SIPA1L3: variants seen among roughly 807,000 people sequenced by gnomAD.
SIPA1L3 encodes signal induced proliferation associated 1 like 3.
Under a neutral mutation model 150.1 loss-of-function variants are expected in SIPA1L3, and 59 were observed. The ratio of observed to expected loss-of-function variants is 0.39; its 90% CI spans 0.32 to 0.49. The LOEUF (loss-of-function observed/expected upper bound fraction) is 0.49. Ranked by LOEUF, SIPA1L3 falls within the 20% of genes least tolerant of loss-of-function variation. The probability of loss-of-function intolerance (pLI) is 0.86; values close to 1 mark genes in which losing one functional copy is unlikely to be tolerated. For missense variants in SIPA1L3, 2,211 were observed against 2,489.5 expected, an observed-to-expected ratio of 0.89 and a Z score of 2.38; for synonymous variants, 1,070 against 1,077.6, an observed-to-expected ratio of 0.99 and a Z score of 0.14.
At chr19:37,955,005 T>A (rs912086835) in intron 1 of SIPA1L3, among the ~76,000 whole-genome samples, 3 of 147,654 alleles carry the variant, frequency 2.0e-5, no homozygotes, top group Non-Finnish European at 4.4e-5. Context: ...GAGGATTGCT[T>A]GAACACAGGA....
intron 13 of SIPA1L3, among the ~76,000 whole-genome samples, chr19:38,161,066 G>A (rs567449250): frequency 2.0e-5 from 3 of 152,110 alleles, no homozygotes; most frequent in East Asian, 1.9e-4. Context: ...GTTGTGGGCC[G>A]GGCACGGTGG....
chr19:37,911,734 C>T (rs1041231909), intron 1 of SIPA1L3, among the ~76,000 whole-genome samples: 5 of 151,706 alleles, frequency 3.3e-5, no homozygotes, highest in South Asian at 2.1e-4. Context: ...CTCCTGACCT[C>T]GTGATCCGCC....
chr19:37,953,554 G>GTGCA (rs2145558227), intron 1 of SIPA1L3, among the ~76,000 whole-genome samples: 1 of 152,316 alleles, frequency 6.6e-6, no homozygotes, highest in East Asian at 1.9e-4. Flanking sequence ...GTGTATGTGT[G>GTGCA]TGCATGCGTG....
At chr19:37,976,571 C>G (rs1025720799) in intron 1 of SIPA1L3, among the ~76,000 whole-genome samples, 6 of 152,066 alleles carry the variant, frequency 3.9e-5, no homozygotes. Context: ...TTCTTGGGCA[C>G]TTTTTTAGGG....
chr19:38,141,420 C>G lies in SIPA1L3; in HGVS notation c.3380C>G (p.Pro1127Arg). The G allele has an allele frequency of 6.2e-7, 1 of 1,609,524 alleles. No individual in the cohort carries two copies. ...ATAGTCCCCTTCCGGGAGTCCCAGC[C>G]ACTGCACAGCAAGAGGTAAGCACCT... The part of the protein sequence containing the change: ...TPIVPFRESQ[P>R]LHSKRPVSFP... Residue 1127 changes from proline (P) to arginine (R), a missense_variant, in exon 11 of 22, where the codon CCA (proline) becomes CGA (arginine). Physicochemically the swap from Pro to Arg is moderately radical, Grantham distance 103. Transcript: ENST00000222345.
Position 38,206,255 on chromosome 19 carries a change from G to A in SIPA1L3, c.*15G>A, listed in dbSNP as rs373117931. On this transcript the variant is annotated 3_prime_UTR_variant, in exon 22 of 22. Coordinates refer to ENST00000222345, the MANE Select transcript of SIPA1L3 (RefSeq NM_015073.3). ...AGGAGCTCTGAGGTGGGAGGCCGCC[G>A]CCCGCCTTCGCTCCTTCCCCTCAGG... is the stretch of plus-strand genomic sequence containing the variant. The A allele has an allele frequency of 5.2e-6, 8 of 1,531,726 alleles. No individual in the cohort carries two copies. Among genetic ancestry groups the A allele is most frequent in the African/African-American group, 2.7e-5 (2 of 72,846 alleles). The allele number at this position is 1,531,726 out of a possible 1,614,324, so 94.9% of individuals were successfully genotyped here. A position where few individuals can be genotyped will look rare whatever the true frequency, so the allele number is the denominator to read the frequency against.
chr19:38,075,255 G>A (rs1213766860), intron 2 of SIPA1L3, among the ~76,000 whole-genome samples: 1 of 152,014 alleles, frequency 6.6e-6, no homozygotes, highest in East Asian at 1.9e-4. Flanking sequence ...TTGGGAGTTC[G>A]AGACCAGCCT....
chr19:38,173,353 C>T (rs1972370397), intron 15 of SIPA1L3, among the ~76,000 whole-genome samples: 1 of 152,256 alleles, frequency 6.6e-6, no homozygotes, highest in East Asian at 1.9e-4. Context: ...CAGATGCTCC[C>T]TCCAGACATT....
chr19:38,171,179 C>G (rs1972319927), intron 15 of SIPA1L3, among the ~76,000 whole-genome samples: 1 of 151,912 alleles, frequency 6.6e-6, no homozygotes, highest in Non-Finnish European at 1.5e-5. Flanking sequence ...GTTGCGTGTG[C>G]AAAGTCCCTG....
At position 38,159,703 on chromosome 19, in the gene SIPA1L3, T is replaced by A. The variant is rs1972032816; in HGVS notation, c.3662-2550T>A. On this transcript the variant is annotated intron_variant, in intron 13 of 21. Transcript: ENST00000222345. ...CACTGTGCGACCTTGGACCAGCTGC[T>A]TAACCTCTCCGAGTCTTGTTCCACA... is the stretch of plus-strand genomic sequence containing the variant. Among the ~76,000 whole-genome samples the A allele has an allele frequency of 1.3e-5, 2 of 152,252 alleles. 1 individual carries two copies. The highest frequency in any genetic ancestry group is 2.9e-5 in the Non-Finnish European group (2 of 68,054).
chr19:38,099,761 G>A (rs1970459344), intron 4 of SIPA1L3, among the ~76,000 whole-genome samples: 1 of 152,202 alleles, frequency 6.6e-6, no homozygotes, highest in African/African-American at 2.4e-5. Flanking sequence ...GAGGCTCAGA[G>A]ATATGAAGTC....
intron 16 of SIPA1L3, 62 bp downstream of exon 16, chr19:38,182,802 G>C: frequency 7.7e-7 from 1 of 1,298,760 alleles, no homozygotes; most frequent in Non-Finnish European, 1.1e-6. Context: ...CTCCGGGGCG[G>C]AAAGAGGGTG....
chr19:38,123,410 C>G (rs931649579), intron 9 of SIPA1L3, among the ~76,000 whole-genome samples: 10 of 149,454 alleles, frequency 6.7e-5, no homozygotes, highest in Middle Eastern at 3.4e-3. Context: ...GAGGACCCTG[C>G]GGCCTTCCGC....
intron 1 of SIPA1L3, among the ~76,000 whole-genome samples, chr19:37,964,976 T>A (rs1465997087): frequency 6.6e-6 from 1 of 152,136 alleles, no homozygotes; most frequent in Admixed American, 6.6e-5. Flanking sequence ...TTAGATAGAA[T>A]TCTCTATACC....
At chr19:38,132,539 G>A (rs7258019) in intron 10 of SIPA1L3, among the ~76,000 whole-genome samples, 68,184 of 144,566 alleles carry the variant, frequency 0.47, 16,653 homozygotes, top group East Asian at 0.63. Context: ...AGCTGAGATC[G>A]TGCCATTGCA....
chr19:38,107,227 G>A (rs1411013561), intron 7 of SIPA1L3, among the ~76,000 whole-genome samples: 1 of 152,204 alleles, frequency 6.6e-6, no homozygotes, highest in Non-Finnish European at 1.5e-5. Flanking sequence ...TGTCCCAGAA[G>A]TGTTTCAGAG....
intron 15 of SIPA1L3, among the ~76,000 whole-genome samples, chr19:38,177,070 A>G (rs953774335): frequency 6.6e-6 from 1 of 152,054 alleles, no homozygotes; most frequent in Non-Finnish European, 1.5e-5. Flanking sequence ...TAAAAATTCT[A>G]GTTTAGCTGG....
chr19:38,122,879 G>T (rs182223407), intron 9 of SIPA1L3, among the ~76,000 whole-genome samples: 2 of 152,030 alleles, frequency 1.3e-5, no homozygotes, highest in Non-Finnish European at 2.9e-5. Flanking sequence ...GTGAGGCCTC[G>T]TTATCTAAGA....
At chr19:37,936,351 A>G (rs1014007836) in intron 1 of SIPA1L3, among the ~76,000 whole-genome samples, 1 of 152,202 alleles carries the variant, frequency 6.6e-6, no homozygotes, top group African/African-American at 2.4e-5. Context: ...GTGGGTAAAC[A>G]GAGACAGCAT....
Sources: allele counts gnomAD v4.1 joint callset (sites outside exome capture counted in the v4.1 genomes callset), GRCh38; gene constraint gnomAD v4.1.1; transcripts MANE v1.5; gene names NCBI Gene and HGNC (gene_info 2026-07-23, HGNC 2026-07-21).